LINGO1: variants seen among roughly 807,000 people sequenced by gnomAD.
The protein encoded by LINGO1 is leucine-rich repeat and immunoglobulin-like domain-containing nogo receptor-interacting protein 1.
A neutral mutation model predicts 37.3 loss-of-function variants in LINGO1; 11 were observed. The ratio of observed to expected loss-of-function variants is 0.29; its 90% confidence interval spans 0.19 to 0.49. The LOEUF is 0.49. LINGO1 is among the 20% of genes least tolerant of loss of function. LINGO1 has a pLI of 0.99. For missense variants in LINGO1, 585 were observed against 878.2 expected, an observed-to-expected ratio of 0.67 and a Z score of 4.22; for synonymous variants, 387 against 403.0, an observed-to-expected ratio of 0.96 and a Z score of 0.48.
upstream of LINGO1, chr15:77,788,290 G>A (rs901136193): frequency 1.3e-5 from 2 of 152,202 alleles, no homozygotes; most frequent in African/African-American, 4.8e-5. Context: ...TCCCCTGGAT[G>A]GGCCACTCAT....
chr15:77,789,350 T>C (rs926608693), upstream of LINGO1, among the ~76,000 whole-genome samples: 1 of 152,194 alleles, frequency 6.6e-6, no homozygotes, highest in African/African-American at 2.4e-5. Context: ...AATTGTTAAA[T>C]ACTGGCTGGG....
chr15:77,806,060 T>A (rs1039329639), intron 1 of LINGO1, among the ~76,000 whole-genome samples: 2 of 152,074 alleles, frequency 1.3e-5, no homozygotes, highest in Admixed American at 6.5e-5. Context: ...CTATGGACTG[T>A]GAGTCCATCC....
rs550359136 is a variant in LINGO1, at chr15:77,702,049, G to A, written c.-194-11148C>T. Among the ~76,000 whole-genome samples, 4 of 152,272 alleles carry A rather than the reference G, an allele frequency of 2.6e-5. No homozygotes were observed. The South Asian group carries it at 8.3e-4, about 32-fold the overall frequency. On this transcript the variant is annotated intron_variant, in intron 2 of 3. Coordinates refer to the LINGO1 transcript ENST00000561686. ...GTGTCAGGGAGGCCCAAGAGAACAG[G>A]TGTCACAGATGGTGCCTGAAGGCCC... is the stretch of plus-strand genomic sequence containing the variant.
In LINGO1 at chr15:77,705,205, A is replaced by ACACACACACACACACACACC. The variant is rs1555532644; in HGVS notation, c.-194-14305_-194-14304insGGTGTGTGTGTGTGTGTGTG. 6.3e-4 allele frequency among the ~76,000 whole-genome samples: 92 copies of ACACACACACACACACACACC among 145,412 alleles called. 2 individuals carry two copies. Among genetic ancestry groups the ACACACACACACACACACACC allele is most frequent in the African/African-American group, 2.2e-3 (83 of 37,254 alleles). On this transcript the variant is annotated intron_variant, in intron 2 of 3. Coordinates refer to the LINGO1 transcript ENST00000561686. ...CACACACACACACACACACACACAC[A>ACACACACACACACACACACC]CCAGTCCACTTCCAGCACCCTGGAC...
chr15:77,637,019 A>AC (rs1225240309), upstream of LINGO1, among the ~76,000 whole-genome samples: 3 of 151,822 alleles, frequency 2.0e-5, no homozygotes, highest in Admixed American at 2.0e-4. This position sits in a 1 kb window ranked among gnomAD's most constrained non-coding sequence, Gnocchi z 4.6. Flanking sequence ...CCCCCTCCTG[A>AC]CCCCCTCCTC....
At chr15:77,694,510 C>G (rs554664884) in intron 1 of LINGO1, among the ~76,000 whole-genome samples, 3 of 152,118 alleles carry the variant, frequency 2.0e-5, no homozygotes, top group Non-Finnish European at 4.4e-5. Flanking sequence ...GGAATCTCCC[C>G]ACTCCACCCA....
chr15:77,668,297 A>G (rs2075176889), intron 3 of LINGO1, among the ~76,000 whole-genome samples: 1 of 152,198 alleles, frequency 6.6e-6, no homozygotes, highest in South Asian at 2.1e-4. Flanking sequence ...ACTTTGGTGG[A>G]AATCAAACAA....
chr15:77,624,571 T>C (rs1420456922), intron 1 of LINGO1, among the ~76,000 whole-genome samples: 2 of 152,208 alleles, frequency 1.3e-5, no homozygotes, highest in African/African-American at 4.8e-5. Flanking sequence ...TGTCAGAGCA[T>C]CTTAGTGTTT....
intron 1 of LINGO1, among the ~76,000 whole-genome samples, chr15:77,784,447 G>A (rs762862729): frequency 6.6e-6 from 1 of 152,244 alleles, no homozygotes; most frequent in Non-Finnish European, 1.5e-5. Context: ...CGTGCTGCAG[G>A]CAGCAAAGGT....
chr15:77,748,027 G>C (rs146627125), intron 1 of LINGO1, among the ~76,000 whole-genome samples: 2 of 152,198 alleles, frequency 1.3e-5, no homozygotes, highest in Non-Finnish European at 2.9e-5. Context: ...TTTGAACCCC[G>C]GTGCGACAGA....
chr15:77,703,924 T>C (rs2075816457), intron 2 of LINGO1, among the ~76,000 whole-genome samples: 1 of 152,112 alleles, frequency 6.6e-6, no homozygotes, highest in African/African-American at 2.4e-5. Flanking sequence ...GGGGGACCCA[T>C]AGGAAGAGAG....
At chr15:77,782,330 C>G (rs1328991027) in intron 1 of LINGO1, among the ~76,000 whole-genome samples, 3 of 152,156 alleles carry the variant, frequency 2.0e-5, no homozygotes, top group African/African-American at 7.2e-5. Context: ...CTATCAGGCA[C>G]CACTCAGGGT....
Position 77,632,310 on chromosome 15 carries a change from C to A in LINGO1, c.6G>T (p.Gln2His). The change falls in exon 1 of 2, where the codon CAG (glutamine) becomes CAT (histidine). Residue 2 changes from glutamine (Q) to histidine (H), a missense_variant and splice_region_variant. Gln to His is a conservative substitution (Grantham distance 24). Around this residue, in one of 4 missense-constraint regions of LINGO1, gnomAD observed 65 missense variants for 57.0 expected, o/e 1.14. Coordinates refer to ENST00000355300, the MANE Select transcript of LINGO1 (RefSeq NM_032808.7). The surrounding 1 kb of genome is among the most constrained non-coding windows in gnomAD (Gnocchi z 6.0). The stretch of plus-strand genomic sequence containing the variant: ...GCTCGGCCGCGGCCGCCTGGCTCAC[C>A]TGCATCTCGGGCGCGCCTTCGGTCC... MQVSKRMLAGGV... is the reference protein window; with the variant it reads MHVSKRMLAGGV... 6.9e-7 allele frequency: 1 copy of A among 1,441,598 alleles called. No individual in the cohort carries two copies. The allele number at this position is 1,441,598 out of a possible 1,614,324, so 89.3% of individuals were successfully genotyped here. A position where few individuals can be genotyped will look rare whatever the true frequency, so the allele number is the denominator to read the frequency against.
rs1382630781 is a variant in LINGO1, at chr15:77,632,428, A to C, written c.-113T>G. 3.5e-5 allele frequency: 40 copies of C among 1,157,174 alleles called. No homozygotes were observed. Among genetic ancestry groups the C allele is most frequent in the Admixed American group, 2.5e-4 (6 of 24,154 alleles). The allele number at this position is 1,157,174 out of a possible 1,614,324, so 71.7% of individuals were successfully genotyped here. ...CCCTCCTCCGTTTCCTCCTCCTCCG[A>C]CACCTCCGCCCGGCAGTCCGCGCGC... is the stretch of plus-strand genomic sequence containing the variant. On this transcript the variant is annotated 5_prime_UTR_variant, in exon 1 of 2. Transcript: ENST00000355300. This position sits in a 1 kb window ranked among gnomAD's most constrained non-coding sequence, Gnocchi z 6.0.
At chr15:77,710,139 G>C (rs1404485749) in intron 2 of LINGO1, among the ~76,000 whole-genome samples, 1 of 152,170 alleles carries the variant, frequency 6.6e-6, no homozygotes, top group Non-Finnish European at 1.5e-5. Flanking sequence ...GAACCCCAGG[G>C]GGGCAGGGGC....
At chr15:77,721,291 C>T (rs550200429) in intron 2 of LINGO1, among the ~76,000 whole-genome samples, 2 of 152,240 alleles carry the variant, frequency 1.3e-5, no homozygotes, top group South Asian at 4.2e-4. Context: ...TCCCCTGGAG[C>T]CTCTGCCACA....
At chr15:77,627,228 A>G (rs1054174206) in intron 1 of LINGO1, among the ~76,000 whole-genome samples, 11 of 152,130 alleles carry the variant, frequency 7.2e-5, no homozygotes, top group African/African-American at 2.7e-4. Flanking sequence ...TGAAATAGGC[A>G]TAATTATTCC....
Position 77,614,710 on chromosome 15 carries a change from G to A in LINGO1, c.1197C>T (p.Pro399=), listed in dbSNP as rs573844311. Residue 399 remains proline (P), a synonymous_variant, in exon 2 of 2, where the codon CCC becomes CCT. Coordinates refer to ENST00000355300, the MANE Select transcript of LINGO1 (RefSeq NM_032808.7). ...TGAACTCCTTGCCCTGGACAAACTC[G>A]GGCGTGGCGCACGTGGGCTGCTGCC... The part of the protein sequence containing the change: ...FNRQQPTCAT[P]EFVQGKEFKD... The A allele has an allele frequency of 1.7e-5, 27 of 1,609,054 alleles. No homozygotes were observed. In the Admixed American group the frequency reaches 2.7e-4, roughly 16 times the overall value.
intron 3 of LINGO1, among the ~76,000 whole-genome samples, chr15:77,663,037 C>A (rs1356388946): frequency 1.3e-5 from 2 of 152,232 alleles, no homozygotes; most frequent in African/African-American, 2.4e-5. Flanking sequence ...CCCAACCTGA[C>A]AGGCTTTTTG....
Sources: allele counts gnomAD v4.1 joint callset (sites outside exome capture counted in the v4.1 genomes callset), GRCh38; gene constraint gnomAD v4.1.1; regional missense constraint gnomAD v4.1.1; non-coding constraint Gnocchi (gnomAD v3.1); transcripts MANE v1.5; gene names NCBI Gene and HGNC (gene_info 2026-07-23, HGNC 2026-07-21).